The following RGPD1 variants were observed in gnomAD, a reference collection of about 807,000 sequenced individuals.
RGPD1 encodes the protein RANBP2-like and GRIP domain-containing protein 1.
In RGPD1, 7 loss-of-function variants were observed where a neutral mutation model predicts 40.6. The ratio of observed to expected loss-of-function variants is 0.17; its 90% CI spans 0.10 to 0.32. The LOEUF is 0.32. Among genes scored for constraint, RGPD1 ranks in the 10% least tolerant of loss-of-function variants. The probability of loss-of-function intolerance (pLI) is 1.00; values close to 1 mark genes in which losing one functional copy is unlikely to be tolerated. For synonymous variants in RGPD1, 24 were observed against 167.0 expected (o/e 0.14, Z 6.60); for missense variants, 50 against 472.5 (o/e 0.11, Z 8.29).
At chr2:86,932,068 G>A (rs1186089104) in intron 1 of RGPD1, among the ~76,000 whole-genome samples, 6 of 144,660 alleles carry the variant, frequency 4.1e-5, no homozygotes, top group Admixed American at 7.0e-5. Context: ...ACTTGGAAGG[G>A]CAAATAACTT....
upstream of RGPD1, chr2:86,913,805 C>A (rs761652994): frequency 3.2e-5 from 48 of 1,515,458 alleles, no homozygotes; most frequent in Non-Finnish European, 3.9e-5. Context: ...TGCTGCGGGG[C>A]TGAGCGCTGG....
intron 1 of RGPD1, among the ~76,000 whole-genome samples, chr2:86,942,641 C>A (rs868160789): frequency 7.3e-6 from 1 of 137,412 alleles, no homozygotes; most frequent in Non-Finnish European, 1.6e-5. Flanking sequence ...GTTGAGGCGC[C>A]GGCCTCGACC....
At chr2:86,942,666 CGGCGGCCTCGACCTGGCCGGGCGGCGGT>C (rs1679956366) in intron 1 of RGPD1, among the ~76,000 whole-genome samples, 8 of 141,900 alleles carry the variant, frequency 5.6e-5, no homozygotes, top group African/African-American at 7.7e-5. Flanking sequence ...CGGGCGGCGG[CGGCGGCCTCGACCTGGCCGGGCGGCGGT>C]GGCCTCGACG....
At chr2:86,943,603 TG>T (rs1680092424) in intron 1 of RGPD1, among the ~76,000 whole-genome samples, 1 of 152,158 alleles carries the variant, frequency 6.6e-6, no homozygotes, top group South Asian at 2.1e-4. Flanking sequence ...CATCCATAGA[TG>T]GAGTTGTAAC....
intron 1 of RGPD1, among the ~76,000 whole-genome samples, chr2:86,920,145 T>A (rs199535748): frequency 6.6e-6 from 1 of 151,910 alleles, no homozygotes; most frequent in Non-Finnish European, 1.5e-5. Flanking sequence ...TCCTGGCTCA[T>A]TACAACCTCT....
chr2:86,956,550 AC>A (rs1364301431), intron 4 of RGPD1, among the ~76,000 whole-genome samples: 3 of 138,412 alleles, frequency 2.2e-5, no homozygotes, highest in Non-Finnish European at 4.6e-5. Flanking sequence ...GTCTGTTAGT[AC>A]TAAAATGGCA....
intron 1 of RGPD1, among the ~76,000 whole-genome samples, chr2:86,944,543 C>G (rs917129936): frequency 6.6e-6 from 1 of 151,996 alleles, no homozygotes; most frequent in East Asian, 1.9e-4. Flanking sequence ...GTTGGGACCA[C>G]AGGTGTACCC....
At chr2:86,944,671 C>T (rs1240783873) in intron 1 of RGPD1, among the ~76,000 whole-genome samples, 2 of 151,498 alleles carry the variant, frequency 1.3e-5, no homozygotes, top group Non-Finnish European at 2.9e-5. Context: ...CCTCCACTTC[C>T]CAAAGTGTTG....
At chr2:86,914,157 GCGGCCT>G (rs1190425202) in intron 1 of RGPD1, among the ~76,000 whole-genome samples, 2 of 85,604 alleles carry the variant, frequency 2.3e-5, no homozygotes, top group African/African-American at 5.5e-5. Context: ...GGCGGCGGCG[GCGGCCT>G]CGGCCTCGGC....
chr2:86,941,920 C>G (rs1267251301), upstream of RGPD1, among the ~76,000 whole-genome samples: 1 of 151,874 alleles, frequency 6.6e-6, no homozygotes, highest in African/African-American at 2.4e-5. Context: ...CCATGTTGGC[C>G]AGGCTGGTCT....
chr2:86,925,692 A>G (rs1394340404), intron 1 of RGPD1, among the ~76,000 whole-genome samples: 1 of 152,246 alleles, frequency 6.6e-6, no homozygotes, highest in East Asian at 1.9e-4. Flanking sequence ...ATTACTGTTT[A>G]TGAGAATGAG....
chr2:87,008,876 C>T (rs1326245861), intron 22 of RGPD1, among the ~76,000 whole-genome samples: 2 of 60,376 alleles, frequency 3.3e-5, no homozygotes, highest in Non-Finnish European at 6.0e-5. Context: ...AAAGAGATGT[C>T]AATAGATACT....
intron 1 of RGPD1, among the ~76,000 whole-genome samples, chr2:86,923,466 A>G (rs1678195035): frequency 6.6e-6 from 1 of 150,414 alleles, no homozygotes; most frequent in African/African-American, 2.4e-5. Flanking sequence ...TGTAACCTAC[A>G]CTCCTATATA....
At chr2:86,939,653 T>A (rs1679598114), upstream of RGPD1, among the ~76,000 whole-genome samples, 2 of 133,424 alleles carry the variant, frequency 1.5e-5, no homozygotes, top group Admixed American at 1.5e-4. Context: ...ATATTCAGCA[T>A]AAATGAATTA....
chr2:87,008,819 G>C (rs1363678521), intron 22 of RGPD1, among the ~76,000 whole-genome samples: 85 of 55,732 alleles, frequency 1.5e-3, no homozygotes, highest in Non-Finnish European at 2.6e-3. Flanking sequence ...GCCTTTGATG[G>C]GTTCATCAAA....
intron 1 of RGPD1, among the ~76,000 whole-genome samples, chr2:86,924,217 A>G (rs1678281706): frequency 6.6e-6 from 1 of 151,546 alleles, no homozygotes; most frequent in African/African-American, 2.4e-5. Flanking sequence ...GTGCAGTGGC[A>G]CGATCTCGGC....
intron 4 of RGPD1, among the ~76,000 whole-genome samples, chr2:86,954,455 T>G (rs1303834283): frequency 8.9e-5 from 1 of 11,296 alleles, no homozygotes; most frequent in African/African-American, 2.2e-4. Context: ...TATATGCTAC[T>G]TCATTTTTCC....
intron 1 of RGPD1, among the ~76,000 whole-genome samples, chr2:86,933,244 T>C (rs1184896902): frequency 6.7e-6 from 1 of 150,184 alleles, no homozygotes; most frequent in Non-Finnish European, 1.5e-5. Context: ...TTAATTTATC[T>C]ACAAAAACAT....
chr2:87,009,271 C>A, intron 22 of RGPD1, among the ~76,000 whole-genome samples: 1 of 18,128 alleles, frequency 5.5e-5, no homozygotes, highest in African/African-American at 2.3e-4. Context: ...TGCCACTGCA[C>A]TCCAGCCTGG....
Sources: gnomAD v4.1 joint callset for allele counts (sites outside exome capture counted in the v4.1 genomes callset) on GRCh38, gnomAD v4.1.1 for gene constraint, MANE v1.5 for transcripts, NCBI Gene and HGNC (gene_info 2026-07-23, HGNC 2026-07-21) for gene names.